ARHGAP29: variants seen among roughly 807,000 people sequenced by gnomAD.
ARHGAP29 encodes rho GTPase-activating protein 29.
ARHGAP29 carries 43 observed loss-of-function variants against 122.6 expected under a neutral mutation model. The observed-to-expected ratio is 0.35, with a 90% CI of 0.27 to 0.45. The LOEUF (loss-of-function observed/expected upper bound fraction) is 0.45. Ranked by LOEUF, ARHGAP29 falls within the 20% of genes least tolerant of loss-of-function variation. The pLI is 1.00. For synonymous variants in ARHGAP29, 506 were observed against 497.1 expected, an observed-to-expected ratio of 1.02 and a Z score of -0.24; for missense variants, 1,303 against 1,477.2, an observed-to-expected ratio of 0.88 and a Z score of 1.93.
intron 15 of ARHGAP29, among the ~76,000 whole-genome samples, chr1:94,187,194 T>G (rs1649862841): frequency 6.6e-6 from 1 of 152,144 alleles, no homozygotes; most frequent in African/African-American, 2.4e-5. Flanking sequence ...TATCAAAGCA[T>G]GTTTGGAAGC....
intron 12 of ARHGAP29, among the ~76,000 whole-genome samples, chr1:94,201,313 A>G (rs956326651): frequency 6.6e-6 from 1 of 152,218 alleles, no homozygotes; most frequent in African/African-American, 2.4e-5. Flanking sequence ...TTCAAACTGT[A>G]TATCACTATG....
rs1489443174 is a variant in ARHGAP29, at chr1:94,179,754, A to C, written c.2451T>G (p.Ser817Arg). Residue 817 changes from serine to arginine, a missense_variant, in exon 20 of 23, where the codon AGT becomes AGG. Transcript: ENST00000260526. ...LRQLPASNFN[S>R]LHFLIVHLKR... Reference sequence around the variant, plus strand: ...TTAGATGTACTATAAGGAAATGAAGACTGTTAAAATTTGATGCTGGCAATT... The same window carrying C: ...TTAGATGTACTATAAGGAAATGAAGCCTGTTAAAATTTGATGCTGGCAATT... 6.2e-7 allele frequency: 1 copy of C among 1,612,672 alleles called. No homozygotes were observed. Among genetic ancestry groups the C allele is most frequent in the African/African-American group, 1.3e-5 (1 of 74,882 alleles).
chr1:94,289,557 C>T, the ARHGAP29 span, among the ~76,000 whole-genome samples: 2 of 152,176 alleles, frequency 1.3e-5, no homozygotes, highest in African/African-American at 4.8e-5. Flanking sequence ...AGAGGGCATC[C>T]TTGTCTGCTG....
chr1:94,239,242 C>T (rs1488687005), upstream of ARHGAP29, among the ~76,000 whole-genome samples: 2 of 152,142 alleles, frequency 1.3e-5, no homozygotes, highest in Non-Finnish European at 2.9e-5. Context: ...AGTGCAACTA[C>T]GATTCAATCA....
chr1:94,173,905 A>T lies in ARHGAP29; in HGVS notation c.3750T>A (p.Phe1250Leu). Residue 1250 changes from phenylalanine to leucine, a missense_variant, in exon 23 of 23, where the codon TTT (phenylalanine) becomes TTA (leucine). By Grantham distance (22) the Phe-to-Leu change is conservative (BLOSUM62 0). Coordinates refer to ENST00000260526, the MANE Select transcript of ARHGAP29 (RefSeq NM_004815.4). ...GTGGAATTTCACCTTCGAGGTCTTCAAACTGTTGCATTCGTTTTAGCCTTG... is the reference window on the plus strand; with the variant it reads ...GTGGAATTTCACCTTCGAGGTCTTCTAACTGTTGCATTCGTTTTAGCCTTG... ...QRPRLKRMQQ[F>L]EDLEGEIPQF... The T allele has an allele frequency of 6.2e-7, 1 of 1,610,314 alleles. No individual in the cohort carries two copies.
chr1:94,194,538 G>A (rs375566471), intron 12 of ARHGAP29: 1 of 151,984 alleles, frequency 6.6e-6, no homozygotes, highest in South Asian at 2.1e-4. Flanking sequence ...TCAGATTCAG[G>A]GTCTGGTGTG....
In ARHGAP29 at chr1:94,189,199, T is replaced by G; in HGVS notation, c.1576+17A>C. ...GACCTTTTATAAATTAGCACTCTCT[T>G]TAGGGTGGAAAACTACCTGTTATAT... On this transcript the variant is annotated intron_variant, in intron 14 of 22. Transcript: ENST00000260526. The G allele has an allele frequency of 6.3e-7, 1 of 1,596,120 alleles. No homozygotes were observed. Among genetic ancestry groups the G allele is most frequent in the Non-Finnish European group, 8.5e-7 (1 of 1,174,656 alleles).
At chr1:94,250,260 T>G (rs1330088338) in intron 1 of ARHGAP29, 1 of 152,192 alleles carries the variant, frequency 6.6e-6, no homozygotes, top group East Asian at 1.9e-4. Flanking sequence ...GGACCCACAT[T>G]GTCCATCATG....
At chr1:94,183,566 C>G (rs1026661244) in intron 19 of ARHGAP29, among the ~76,000 whole-genome samples, 1 of 152,166 alleles carries the variant, frequency 6.6e-6, no homozygotes, top group Non-Finnish European at 1.5e-5. Context: ...ATAGGACAGT[C>G]CTTCCAGGTG....
chr1:94,175,794 T>C (rs1403312588), intron 22 of ARHGAP29, among the ~76,000 whole-genome samples: 2 of 152,154 alleles, frequency 1.3e-5, no homozygotes, highest in Non-Finnish European at 2.9e-5. Flanking sequence ...AACCTCTGCC[T>C]CCTGGGTTCA....
upstream of ARHGAP29, among the ~76,000 whole-genome samples, chr1:94,276,635 G>T (rs1011872905): frequency 8.6e-5 from 13 of 151,470 alleles, no homozygotes; most frequent in African/African-American, 7.3e-5. Flanking sequence ...ACAAAAATTA[G>T]CTGGGCATGG....
chr1:94,203,751 C>T (rs6673184), intron 8 of ARHGAP29, among the ~76,000 whole-genome samples, 179 bp downstream of exon 8: 14,448 of 151,936 alleles, frequency 0.095, 1,037 homozygotes, highest in African/African-American at 0.2. Context: ...AAAAAAAAAG[C>T]GTATTTCCTA....
chr1:94,174,139 G>A lies in ARHGAP29; in HGVS notation c.3516C>T (p.Pro1172=). ...CCTCATTCCCCCTGATACTGATGAT[G>A]GGAGCATGTGGTTTATAAAATGTTG... ...HWTTFYKPHA[P]IISIRGNEEK... is the part of the protein sequence containing the mutation. Residue 1172 remains proline (P), a synonymous_variant, in exon 23 of 23, where the codon CCC becomes CCT. Transcript: ENST00000260526. 6.2e-7 allele frequency: 1 copy of A among 1,614,182 alleles called. No homozygotes were observed. Among genetic ancestry groups the A allele is most frequent in the East Asian group, 2.2e-5 (1 of 44,882 alleles).
chr1:94,277,200 G>A (rs532286450), upstream of ARHGAP29, among the ~76,000 whole-genome samples: 1 of 152,238 alleles, frequency 6.6e-6, no homozygotes, highest in South Asian at 2.1e-4. Flanking sequence ...TCTCTAAAAC[G>A]CTGGGAATTC....
intron 1 of ARHGAP29, among the ~76,000 whole-genome samples, chr1:94,255,129 T>G (rs1226437497): frequency 6.6e-6 from 1 of 152,198 alleles, no homozygotes; most frequent in Non-Finnish European, 1.5e-5. Flanking sequence ...GTAACTATAT[T>G]GGACATAGGG....
chr1:94,205,744 AT>A (rs1651150375), intron 5 of ARHGAP29, 61 bp from the exon 6 acceptor site: 2 of 1,519,590 alleles, frequency 1.3e-6, no homozygotes, highest in Admixed American at 1.8e-5. Context: ...TTGCTTCAGA[AT>A]TTTTTTGCCC....
At chr1:94,183,642 A>G (rs1196151298) in intron 19 of ARHGAP29, among the ~76,000 whole-genome samples, 3 of 152,176 alleles carry the variant, frequency 2.0e-5, no homozygotes, top group Non-Finnish European at 4.4e-5. Flanking sequence ...ACCTATCACA[A>G]TGGCTATTTT....
upstream of ARHGAP29, chr1:94,237,637 A>G (rs990729732): frequency 1.0e-6 from 1 of 986,498 alleles, no homozygotes; most frequent in Non-Finnish European, 1.2e-6. Flanking sequence ...CCCGCCCGCC[A>G]GCCCCGCCCC....
intron 3 of ARHGAP29, among the ~76,000 whole-genome samples, chr1:94,213,046 G>A (rs912349970): frequency 2.0e-5 from 3 of 151,938 alleles, no homozygotes; most frequent in Non-Finnish European, 4.4e-5. Flanking sequence ...AACCATTTAC[G>A]GTTTCTTCAC....
Sources: allele counts gnomAD v4.1 joint callset (sites outside exome capture counted in the v4.1 genomes callset), GRCh38; gene constraint gnomAD v4.1.1; transcripts MANE v1.5; gene names NCBI Gene and HGNC (gene_info 2026-07-23, HGNC 2026-07-21).